The following PALM2AKAP2 variants were observed in gnomAD, a reference collection of about 807,000 sequenced individuals.
PALM2AKAP2 encodes the protein PALM2 and AKAP2 fusion, also known as PALM2-AKAP2 fusion protein.
A neutral mutation model predicts 71.5 loss-of-function variants in PALM2AKAP2; 37 were observed. The ratio of observed to expected loss-of-function variants is 0.52; its 90% CI spans 0.40 to 0.68. The LOEUF is 0.68. Among genes scored for constraint, PALM2AKAP2 ranks in the 30% least tolerant of loss-of-function variants. The pLI, the probability that PALM2AKAP2 is intolerant of heterozygous loss-of-function variation, is 0.00. For synonymous variants in PALM2AKAP2, 468 were observed against 478.8 expected (o/e 0.98, Z 0.29); for missense variants, 1,224 against 1,191.8 (o/e 1.03, Z -0.40).
chr9:109,884,221 G>A (rs1035680953), intron 3 of PALM2AKAP2, among the ~76,000 whole-genome samples: 1 of 152,174 alleles, frequency 6.6e-6, no homozygotes, highest in African/African-American at 2.4e-5. Flanking sequence ...CAGCACTTAG[G>A]GAGACCGAGG....
At chr9:109,816,014 T>C (rs559015004) in intron 1 of PALM2AKAP2, among the ~76,000 whole-genome samples, 6 of 152,270 alleles carry the variant, frequency 3.9e-5, no homozygotes, top group Middle Eastern at 3.4e-3. Context: ...AAAAAAGATA[T>C]TGATGTTCTA....
chr9:109,975,854 C>T (rs1832163301), intron 6 of PALM2AKAP2, among the ~76,000 whole-genome samples: 2 of 152,194 alleles, frequency 1.3e-5, no homozygotes, highest in South Asian at 4.1e-4. Flanking sequence ...ACCACGGGGC[C>T]TGTGCATTCA....
At chr9:109,966,227 T>A (rs1398112813) in intron 6 of PALM2AKAP2, among the ~76,000 whole-genome samples, 1 of 151,676 alleles carries the variant, frequency 6.6e-6, no homozygotes, top group African/African-American at 2.4e-5. Flanking sequence ...ATACCAGAGG[T>A]TCAAGGCAGC....
Position 110,153,445 on chromosome 9 carries a change from C to T in PALM2AKAP2, c.2570-2874C>T, listed in dbSNP as rs7863567. On this transcript the variant is annotated intron_variant, in intron 2 of 3. Coordinates refer to ENST00000374525, the Ensembl canonical transcript of PALM2AKAP2. ...CTACAAAAGAAGTGGTATATAAATC[C>T]GCTTGTTACTCCAAAGCCATTGAGT... is the stretch of plus-strand genomic sequence containing the variant. Among the ~76,000 whole-genome samples, 488 of 152,262 alleles carry T rather than the reference C, an allele frequency of 3.2e-3. 7 individuals carry two copies. Among genetic ancestry groups the T allele is most frequent in the African/African-American group, 0.011 (474 of 41,562 alleles).
intron 1 of PALM2AKAP2, among the ~76,000 whole-genome samples, chr9:109,762,403 G>T (rs1020217747): frequency 2.6e-5 from 4 of 152,048 alleles, no homozygotes; most frequent in African/African-American, 7.2e-5. Context: ...TAACACCCTG[G>T]AACTTTCCAA....
At chr9:110,151,134 C>A (rs189455242) in intron 2 of PALM2AKAP2, among the ~76,000 whole-genome samples, 1 of 152,326 alleles carries the variant, frequency 6.6e-6, no homozygotes, top group Non-Finnish European at 1.5e-5. Flanking sequence ...GTACATTAGA[C>A]AACAGTATTT....
At chr9:109,825,700 A>G (rs1467738929) in intron 1 of PALM2AKAP2, among the ~76,000 whole-genome samples, 1 of 152,234 alleles carries the variant, frequency 6.6e-6, no homozygotes, top group Non-Finnish European at 1.5e-5. Flanking sequence ...CAGTCATTAA[A>G]AAGTCAGGGA....
intron 1 of PALM2AKAP2, among the ~76,000 whole-genome samples, chr9:109,748,612 CCTAT>C (rs1482449496): frequency 6.6e-6 from 1 of 152,154 alleles, no homozygotes; most frequent in African/African-American, 2.4e-5. Context: ...TGTCATGTGT[CCTAT>C]CTGTCATGAT....
At chr9:109,643,624 G>C (rs1458563170) in intron 1 of PALM2AKAP2, among the ~76,000 whole-genome samples, 1 of 152,128 alleles carries the variant, frequency 6.6e-6, no homozygotes, top group Admixed American at 6.5e-5. Flanking sequence ...TGCTCCACAG[G>C]ATCCAAATTA....
At chr9:109,713,576 T>A (rs1387923284) in intron 1 of PALM2AKAP2, among the ~76,000 whole-genome samples, 1 of 152,212 alleles carries the variant, frequency 6.6e-6, no homozygotes, top group African/African-American at 2.4e-5. Context: ...CAAAAGCTGT[T>A]ATTATTACCT....
At chr9:110,119,280 T>C (rs1835431887) in intron 1 of PALM2AKAP2, among the ~76,000 whole-genome samples, 1 of 147,252 alleles carries the variant, frequency 6.8e-6, no homozygotes, top group South Asian at 2.1e-4. Context: ...GAGGCAGAGG[T>C]TGCAGTGAGT....
At chr9:109,957,982 T>A (rs960844107) in intron 6 of PALM2AKAP2, among the ~76,000 whole-genome samples, 1 of 152,202 alleles carries the variant, frequency 6.6e-6, no homozygotes, top group African/African-American at 2.4e-5. Context: ...AAGTCTGTCA[T>A]TGGCCAGCTG....
intron 3 of PALM2AKAP2, among the ~76,000 whole-genome samples, chr9:109,894,129 G>C (rs1302328819): frequency 6.6e-6 from 1 of 151,960 alleles, no homozygotes; most frequent in African/African-American, 2.4e-5. Flanking sequence ...CTGAGGTCAG[G>C]AGTTTGAGCC....
At chr9:110,158,123 C>G (rs1365155838) in intron 3 of PALM2AKAP2, among the ~76,000 whole-genome samples, 1 of 152,234 alleles carries the variant, frequency 6.6e-6, no homozygotes, top group Non-Finnish European at 1.5e-5. Flanking sequence ...GAGCCAGCAG[C>G]TCCTTTCGTG....
chr9:109,759,837 A>AT (rs1228365541), intron 1 of PALM2AKAP2, among the ~76,000 whole-genome samples: 2 of 152,054 alleles, frequency 1.3e-5, no homozygotes, highest in Non-Finnish European at 2.9e-5. Flanking sequence ...CTGATCATAG[A>AT]TTTTTCCTAA....
At chr9:110,039,295 C>A (rs561858996) in intron 7 of PALM2AKAP2, among the ~76,000 whole-genome samples, 1 of 152,192 alleles carries the variant, frequency 6.6e-6, no homozygotes, top group East Asian at 1.9e-4. Flanking sequence ...TACAATCTAT[C>A]CTCTTAAAGT....
intron 6 of PALM2AKAP2, among the ~76,000 whole-genome samples, chr9:109,936,823 C>A (rs1317368861): frequency 1.3e-5 from 2 of 152,216 alleles, no homozygotes; most frequent in African/African-American, 4.8e-5. Context: ...TCCCATCTCC[C>A]TGACTAATGA....
chr9:110,032,765 A>T (rs1833309617), intron 7 of PALM2AKAP2, among the ~76,000 whole-genome samples: 1 of 150,766 alleles, frequency 6.6e-6, no homozygotes, highest in African/African-American at 2.4e-5. Flanking sequence ...AAAACAAAAA[A>T]AATAAAAAAA....
intron 1 of PALM2AKAP2, among the ~76,000 whole-genome samples, chr9:110,115,022 A>G (rs187211980): frequency 6.6e-6 from 1 of 151,994 alleles, no homozygotes; most frequent in Non-Finnish European, 1.5e-5. Context: ...GCTTATGCTT[A>G]TCATGCATCC....
Sources: gnomAD v4.1 joint callset for allele counts (sites outside exome capture counted in the v4.1 genomes callset) on GRCh38, gnomAD v4.1.1 for gene constraint, MANE v1.5 for transcripts, NCBI Gene and HGNC (gene_info 2026-07-23, HGNC 2026-07-21) for gene names.